Variants in KCNMB2 observed in about 807,000 individuals in gnomAD.
KCNMB2 encodes the protein calcium-activated potassium channel subunit beta-2.
Under a neutral mutation model 24.5 loss-of-function variants are expected in KCNMB2, and 9 were observed. The ratio of observed to expected loss-of-function variants is 0.37; its 90% CI spans 0.22 to 0.64. KCNMB2 has a LOEUF of 0.64. Ranked by LOEUF, KCNMB2 falls within the 30% of genes least tolerant of loss-of-function variation. The pLI is 0.63. For missense variants in KCNMB2, 226 were observed against 284.3 expected (o/e 0.79, Z 1.47); for synonymous variants, 109 against 104.4 (o/e 1.04, Z -0.27).
chr3:178,570,709 A>G (rs1439947308), intron 1 of KCNMB2, among the ~76,000 whole-genome samples: 2 of 152,130 alleles, frequency 1.3e-5, no homozygotes, highest in Non-Finnish European at 2.9e-5. Flanking sequence ...GGCACCAGCT[A>G]AAAGAGCAAA....
At position 178,813,977 on chromosome 3, in the gene KCNMB2, TTGTTGTTGC is replaced by T. The variant is rs1301535146; in HGVS notation, c.56+6515_56+6523del. Reference sequence around the variant, plus strand: ...GTTGTTGTTGTTGTTGTTGTTGTTGTTGTTGTTGCTGCTGCTGCTGTTGTTTTTCTAATC... The same window carrying T: ...GTTGTTGTTGTTGTTGTTGTTGTTGTTGCTGCTGCTGTTGTTTTTCTAATC... On this transcript the variant is annotated intron_variant, in intron 2 of 4. Coordinates refer to ENST00000452583, the MANE Select transcript of KCNMB2 (RefSeq NM_181361.3). Among the ~76,000 whole-genome samples, 1,240 of 150,158 alleles carry T rather than the reference TTGTTGTTGC, an allele frequency of 8.3e-3. 10 individuals are homozygous for T. The highest frequency in any genetic ancestry group is 9.6e-3 in the Non-Finnish European group (650 of 67,780).
chr3:178,770,321 G>C (rs1183758511), intron 1 of KCNMB2, among the ~76,000 whole-genome samples: 6 of 152,202 alleles, frequency 3.9e-5, no homozygotes, highest in Non-Finnish European at 8.8e-5. Flanking sequence ...ACAGGAATTT[G>C]ACAGCAATCA....
At chr3:178,541,318 A>G (rs1250460551) in intron 1 of KCNMB2, among the ~76,000 whole-genome samples, 1 of 152,204 alleles carries the variant, frequency 6.6e-6, no homozygotes, top group Non-Finnish European at 1.5e-5. Flanking sequence ...ATGACTATAA[A>G]TGTTGACACG....
At chr3:178,781,505 T>C (rs905876410) in intron 1 of KCNMB2, among the ~76,000 whole-genome samples, 2 of 152,066 alleles carry the variant, frequency 1.3e-5, no homozygotes, top group Non-Finnish European at 2.9e-5. Context: ...GGCAGGAGAA[T>C]TGCTTGAGCC....
chr3:178,577,771 G>C (rs957607330), intron 1 of KCNMB2, among the ~76,000 whole-genome samples: 17 of 152,110 alleles, frequency 1.1e-4, no homozygotes, highest in African/African-American at 3.1e-4. Flanking sequence ...CAGAAGAAAG[G>C]ATATCAGAGA....
chr3:178,831,844 T>G (rs1715068621), intron 4 of KCNMB2, among the ~76,000 whole-genome samples: 2 of 152,112 alleles, frequency 1.3e-5, no homozygotes, highest in South Asian at 4.1e-4. Flanking sequence ...CACGCCCCTG[T>G]GACATGCAAT....
rs76873783 is a variant in KCNMB2 at position 178,636,472 on chromosome 3, C to A, written c.-68+99761C>A. 7.2e-3 allele frequency among the ~76,000 whole-genome samples: 1,095 copies of A among 152,244 alleles called. 13 individuals carry two copies. The highest frequency in any genetic ancestry group is 0.026 in the African/African-American group (1,061 of 41,546). The stretch of plus-strand genomic sequence containing the variant: ...CAACTTAGATGAATTATGTTTTTCA[C>A]GCATGTCATTTAAAAACAAAACACA... On this transcript the variant is annotated intron_variant, in intron 1 of 4. Coordinates refer to ENST00000452583, the MANE Select transcript of KCNMB2 (RefSeq NM_181361.3).
intron 1 of KCNMB2, among the ~76,000 whole-genome samples, chr3:178,744,915 G>A (rs1037695352): frequency 8.1e-4 from 123 of 152,236 alleles, no homozygotes; most frequent in Non-Finnish European, 1.1e-3. Flanking sequence ...GGAAGGTAAT[G>A]GTGAACAAGC....
chr3:178,670,464 T>C (rs1720863905), intron 1 of KCNMB2, among the ~76,000 whole-genome samples: 1 of 152,180 alleles, frequency 6.6e-6, no homozygotes, highest in Non-Finnish European at 1.5e-5. Flanking sequence ...TTAACACTTC[T>C]AGTGTTACGT....
chr3:178,584,289 G>A (rs954127853), intron 1 of KCNMB2, among the ~76,000 whole-genome samples: 2 of 152,226 alleles, frequency 1.3e-5, no homozygotes, highest in African/African-American at 4.8e-5. Context: ...TGGTGTATTA[G>A]AGGATTCTTA....
rs146161877 is a variant in KCNMB2 at position 178,776,137 on chromosome 3, C to A, written c.-67-31206C>A. On this transcript the variant is annotated intron_variant, in intron 1 of 4. Transcript: ENST00000452583. ...CTTTACCTTTCCCAACCACTCCCTG[C>A]CTTCCCCAACAACTCCATCCACTCA... 1.2e-3 allele frequency among the ~76,000 whole-genome samples: 189 copies of A among 152,298 alleles called. 1 individual carries two copies. The Middle Eastern group carries it at 0.017, about 14-fold the overall frequency.
At chr3:178,544,221 A>G (rs2108448856) in intron 1 of KCNMB2, among the ~76,000 whole-genome samples, 1 of 152,302 alleles carries the variant, frequency 6.6e-6, no homozygotes, top group Middle Eastern at 3.4e-3. Flanking sequence ...TTATTTTATA[A>G]TAATTAAGCC....
chr3:178,798,104 C>G (rs1034721201), intron 1 of KCNMB2, among the ~76,000 whole-genome samples: 1 of 152,132 alleles, frequency 6.6e-6, no homozygotes, highest in African/African-American at 2.4e-5. Context: ...GACTTCCTCT[C>G]TTTCTGTTTG....
chr3:178,678,781 C>T lies in KCNMB2; in HGVS notation c.-67-128562C>T, dbSNP rs139852110. On this transcript the variant is annotated intron_variant, in intron 1 of 4. Transcript: ENST00000452583. ...GGGAGACCAACATGTCCTAGAATAA[C>T]GTGGGGAGCATGTAGTATTCTGTGG... Among the ~76,000 whole-genome samples, 344 of 152,278 alleles carry T rather than the reference C, an allele frequency of 2.3e-3. 2 individuals are homozygous for T. Among genetic ancestry groups the T allele is most frequent in the South Asian group, 0.01 (49 of 4,826 alleles).
At chr3:178,698,803 T>C (rs1721978480) in intron 1 of KCNMB2, among the ~76,000 whole-genome samples, 2 of 152,216 alleles carry the variant, frequency 1.3e-5, no homozygotes, top group South Asian at 2.1e-4. Flanking sequence ...TTTTATTCTA[T>C]TGGACAACCT....
intron 1 of KCNMB2, among the ~76,000 whole-genome samples, chr3:178,687,269 T>G (rs752870274): frequency 1.3e-5 from 2 of 152,152 alleles, no homozygotes; most frequent in Non-Finnish European, 2.9e-5. Flanking sequence ...ATGAACTGCA[T>G]GAACAATTCA....
chr3:178,607,773 A>C (rs1718328601), intron 1 of KCNMB2, among the ~76,000 whole-genome samples: 1 of 152,166 alleles, frequency 6.6e-6, no homozygotes, highest in Admixed American at 6.5e-5. Flanking sequence ...CTGAGTATCT[A>C]ACATAAGTAA....
intron 1 of KCNMB2, among the ~76,000 whole-genome samples, chr3:178,627,218 C>T (rs1719153326): frequency 1.3e-5 from 2 of 152,094 alleles, no homozygotes; most frequent in Admixed American, 1.3e-4. Flanking sequence ...TAATTTCATT[C>T]ATGATTGGCC....
chr3:178,759,329 A>C lies in KCNMB2; in HGVS notation c.-67-48014A>C, dbSNP rs1332789016. ...TATCTCCAAGAGGATATATATATATATATATCTCCAAGAGGATATATATAT... is the reference window on the plus strand; with the variant it reads ...TATCTCCAAGAGGATATATATATATCTATATCTCCAAGAGGATATATATAT... On this transcript the variant is annotated intron_variant, in intron 1 of 4. Coordinates refer to ENST00000452583, the MANE Select transcript of KCNMB2 (RefSeq NM_181361.3). Among the ~76,000 whole-genome samples, 4 of 108,956 alleles carry C rather than the reference A, an allele frequency of 3.7e-5. 1 individual carries two copies. The highest frequency in any genetic ancestry group is 2.6e-4 in the East Asian group (1 of 3,810). The allele number at this position is 108,956 out of a possible 152,430, so 71.5% of individuals were successfully genotyped here. A position where few individuals can be genotyped will look rare whatever the true frequency, so the allele number is the denominator to read the frequency against.
Sources: gnomAD v4.1 joint callset for allele counts (sites outside exome capture counted in the v4.1 genomes callset) on GRCh38, gnomAD v4.1.1 for gene constraint, MANE v1.5 for transcripts, NCBI Gene and HGNC (gene_info 2026-07-23, HGNC 2026-07-21) for gene names.